ZNF99: variants seen among roughly 807,000 people sequenced by gnomAD.
ZNF99 encodes zinc finger protein ENSP00000375192.
Under a neutral mutation model 12.8 loss-of-function variants are expected in ZNF99, and 8 were observed. The ratio of observed to expected loss-of-function variants is 0.62; its 90% CI spans 0.37 to 1.13. ZNF99 has a LOEUF of 1.13. ZNF99 is among the 50% of genes most tolerant of loss of function. The pLI, the probability that ZNF99 is intolerant of heterozygous loss-of-function variation, is 0.02. For missense variants in ZNF99, 1,007 were observed against 1,006.2 expected (o/e 1.00, Z -0.01); for synonymous variants, 318 against 319.0 (o/e 1.00, Z 0.03).
Position 22,784,032 on chromosome 19 carries a change from G to A in ZNF99, c.-16C>T, listed in dbSNP as rs748715231. 38 of 1,613,616 alleles carry A rather than the reference G, an allele frequency of 2.4e-5. 1 individual carries two copies. The highest frequency in any genetic ancestry group is 9.3e-5 in the African/African-American group (7 of 74,880). ...CTCTCACCATTTCTAAGCTTCCAGGGGGTCCTGGCGTCCTAGCTGTGGATC... is the reference window on the plus strand; with the variant it reads ...CTCTCACCATTTCTAAGCTTCCAGGAGGTCCTGGCGTCCTAGCTGTGGATC... On this transcript the variant is annotated 5_prime_UTR_variant, in exon 1 of 4. Transcript: ENST00000596209.
rs192115880 is a variant in ZNF99 at position 22,778,163 on chromosome 19, A to G, written c.3+5851T>C. On this transcript the variant is annotated intron_variant, in intron 1 of 3. Transcript: ENST00000596209. The stretch of plus-strand genomic sequence containing the variant: ...TGTATCCTAGAACTTAAATTAAAAA[A>G]AAAAAGAAAAAGGCGGTCTGTTATT... Among the ~76,000 whole-genome samples the G allele has an allele frequency of 5.7e-4, 87 of 151,908 alleles. 4 individuals carry two copies. Among genetic ancestry groups the G allele is most frequent in the East Asian group, 2.5e-3 (13 of 5,158 alleles).
chr19:22,760,011 T>C (rs571656359), intron 3 of ZNF99, among the ~76,000 whole-genome samples: 274 of 152,226 alleles, frequency 1.8e-3, no homozygotes, highest in African/African-American at 5.8e-3. Context: ...TAGAAGTAAA[T>C]TGCTGGCTGG....
chr19:22,756,181 A>G lies in ZNF99; in HGVS notation c.*1133T>C, dbSNP rs1973048061. 6.5e-7 allele frequency: 1 copy of G among 1,550,374 alleles called. No individual in the cohort carries two copies. The highest frequency in any genetic ancestry group is 8.8e-7 in the Non-Finnish European group (1 of 1,142,350). On this transcript the variant is annotated 3_prime_UTR_variant, in exon 4 of 4. Transcript: ENST00000596209. ...TATTAAGGTTTGTAAAATGGTTGAA[A>G]GCTTTGACACATTCTTCACATTTTT...
At chr19:22,776,841 C>T (rs547640732) in intron 1 of ZNF99, among the ~76,000 whole-genome samples, 212 of 152,226 alleles carry the variant, frequency 1.4e-3, no homozygotes, top group African/African-American at 5.0e-3. Flanking sequence ...CAATGGTAAA[C>T]TGGATAAAGA....
intron 3 of ZNF99, among the ~76,000 whole-genome samples, chr19:22,762,053 GAC>G (rs1164014019): frequency 2.0e-5 from 3 of 151,740 alleles, no homozygotes; most frequent in African/African-American, 4.8e-5. Flanking sequence ...AACACAAAAT[GAC>G]ACTCTTGTTC....
At chr19:22,762,938 T>C (rs1323468263) in intron 3 of ZNF99, among the ~76,000 whole-genome samples, 3 of 152,158 alleles carry the variant, frequency 2.0e-5, no homozygotes, top group Non-Finnish European at 2.9e-5. Flanking sequence ...CCAGCAACGC[T>C]TTATGATTAA....
At chr19:22,771,959 G>C (rs373669489) in intron 1 of ZNF99, among the ~76,000 whole-genome samples, 408 of 115,790 alleles carry the variant, frequency 3.5e-3, no homozygotes, top group African/African-American at 0.011. Flanking sequence ...CTTGTGATCC[G>C]CCCGCCTCGG....
rs765451713 is a variant in ZNF99 at position 22,759,440 on chromosome 19, A to C, written c.469T>G (p.Tyr157Asp). The change falls in exon 4 of 4, where the codon TAT becomes GAT. Residue 157 changes from tyrosine (Y) to aspartate (D), a missense_variant. Physicochemically the swap from Tyr to Asp is radical, Grantham distance 160. Transcript: ENST00000596209. ...ATCTTATATCTATTTGAATTTGAATATTTATGAAAGACTTTCACATATTTG... is the reference window on the plus strand; with the variant it reads ...ATCTTATATCTATTTGAATTTGAATCTTTATGAAAGACTTTCACATATTTG... The part of the protein sequence containing the change: ...CNKYVKVFHK[Y>D]SNSNRYKIRH... 1.3e-6 allele frequency: 2 copies of C among 1,595,138 alleles called. No individual in the cohort carries two copies. The highest frequency in any genetic ancestry group is 2.7e-5 in the African/African-American group (2 of 74,252).
chr19:22,768,304 C>A lies in ZNF99; in HGVS notation c.226+1G>T, dbSNP rs370666035. 1 of 1,613,680 alleles carries A rather than the reference C, an allele frequency of 6.2e-7. No homozygotes were observed. Among genetic ancestry groups the A allele is most frequent in the African/African-American group, 1.3e-5 (1 of 74,880 alleles). On this transcript the variant is annotated splice_donor_variant, in intron 3 of 3. Coordinates refer to ENST00000596209, the MANE Select transcript of ZNF99 (RefSeq NM_001080409.3). LOFTEE classifies it high-confidence loss of function. ...TGTTTCTTGTATTCACTCTCACATA[C>A]CTGGGGGTTTAGTTACCATCTCATG...
At position 22,758,658 on chromosome 19, in the gene ZNF99, T is replaced by C; in HGVS notation, c.1251A>G (p.Val417=). The C allele has an allele frequency of 6.2e-7, 1 of 1,612,930 alleles. No individual in the cohort carries two copies. The highest frequency in any genetic ancestry group is 8.5e-7 in the Non-Finnish European group (1 of 1,179,402). ...TGCAGGGTTTCTCTGCAGTATGAAT[T>C]ACCTTATGTACAGTAAGTTTTGAGG... ...KWSSKLTVHK[V]IHTAEKPCKC... The change falls in exon 4 of 4, where the codon GTA becomes GTG. Residue 417 remains valine, a synonymous_variant. Coordinates refer to ENST00000596209, the MANE Select transcript of ZNF99 (RefSeq NM_001080409.3).
chr19:22,781,127 C>T (rs1472464798), intron 1 of ZNF99, among the ~76,000 whole-genome samples: 1 of 151,746 alleles, frequency 6.6e-6, no homozygotes, highest in Non-Finnish European at 1.5e-5. Flanking sequence ...TCTTTTTTGC[C>T]CTTGGTTAAG....
In ZNF99 at chr19:22,755,885, T is replaced by C. The variant is rs1366137664; in HGVS notation, c.*1429A>G. ...TCACATTTGTGGAGTTTATCTTCTT[T>C]AGGAATTCTCTCATTTTGAGTAACA... On this transcript the variant is annotated 3_prime_UTR_variant, in exon 4 of 4. Coordinates refer to ENST00000596209, the MANE Select transcript of ZNF99 (RefSeq NM_001080409.3). 6.0e-6 allele frequency: 2 copies of C among 334,720 alleles called. No individual in the cohort carries two copies. The highest frequency in any genetic ancestry group is 1.2e-5 in the Non-Finnish European group (2 of 169,550). The allele number at this position is 334,720 out of a possible 1,614,324, so 20.7% of individuals were successfully genotyped here. A position where few individuals can be genotyped will look rare whatever the true frequency, so the allele number is the denominator to read the frequency against.
chr19:22,782,362 T>C (rs1053088000), intron 1 of ZNF99, among the ~76,000 whole-genome samples: 1 of 151,798 alleles, frequency 6.6e-6, no homozygotes. Flanking sequence ...TACTTTTTTT[T>C]TTCTTTTTTT....
In ZNF99 at chr19:22,756,487, T is replaced by G. The variant is rs199659711; in HGVS notation, c.*827A>C. 863 of 1,595,144 alleles carry G rather than the reference T, an allele frequency of 5.4e-4. 29 individuals are homozygous for G. The highest frequency in any genetic ancestry group is 3.3e-4 in the Middle Eastern group (2 of 6,000). On this transcript the variant is annotated 3_prime_UTR_variant, in exon 4 of 4. Transcript: ENST00000596209. ...CTTTCCAGTATGAATTATCCTATGTTTAGTAAGGCGTGAGAAATGGCTAAA... is the reference window on the plus strand; with the variant it reads ...CTTTCCAGTATGAATTATCCTATGTGTAGTAAGGCGTGAGAAATGGCTAAA...
chr19:22,765,507 A>G (rs750160709), intron 3 of ZNF99, among the ~76,000 whole-genome samples: 5 of 152,192 alleles, frequency 3.3e-5, no homozygotes, highest in African/African-American at 9.6e-5. Flanking sequence ...AAAAAAAAAT[A>G]AAGTAGTACA....
At position 22,754,735 on chromosome 19, in the gene ZNF99, C is replaced by G; in HGVS notation, c.*2579G>C. 3.7e-6 allele frequency: 1 copy of G among 269,832 alleles called. No homozygotes were observed. Among genetic ancestry groups the G allele is most frequent in the Non-Finnish European group, 7.4e-6 (1 of 135,768 alleles). 16.7% of individuals were successfully genotyped at this position (269,832 alleles called of 1,614,324 possible). A position where few individuals can be genotyped will look rare whatever the true frequency, so the allele number is the denominator to read the frequency against. On this transcript the variant is annotated 3_prime_UTR_variant, in exon 4 of 4. Transcript: ENST00000596209. Reference sequence around the variant, plus strand: ...GTTAAAAGCTTTGCAACATTCTTCACGTTTGTAGGGTTTCTCTTCAGTATA... The same window carrying G: ...GTTAAAAGCTTTGCAACATTCTTCAGGTTTGTAGGGTTTCTCTTCAGTATA...
At position 22,784,062 on chromosome 19, in the gene ZNF99, A is replaced by C. The variant is rs1973420995; in HGVS notation, c.-46T>G. The C allele has an allele frequency of 6.2e-7, 1 of 1,612,102 alleles. No homozygotes were observed. The highest frequency in any genetic ancestry group is 8.5e-7 in the Non-Finnish European group (1 of 1,178,742). ...CTGGCGTCCTAGCTGTGGATCTCCAAATACCTACAGGTCACAGGGCCACAG... is the reference window on the plus strand; with the variant it reads ...CTGGCGTCCTAGCTGTGGATCTCCACATACCTACAGGTCACAGGGCCACAG... On this transcript the variant is annotated 5_prime_UTR_variant, in exon 1 of 4. The change creates a new upstream start codon in the 5' untranslated region. Transcript: ENST00000596209.
chr19:22,783,211 C>A (rs1478952402), intron 1 of ZNF99, among the ~76,000 whole-genome samples: 1 of 151,914 alleles, frequency 6.6e-6, no homozygotes, highest in East Asian at 2.0e-4. Flanking sequence ...ACCTGGGAGG[C>A]GGAAGTTGCG....
Position 22,756,311 on chromosome 19 carries a change from ATTGTT to A in ZNF99, c.*998_*1002del. 1 of 1,567,544 alleles carries A rather than the reference ATTGTT, an allele frequency of 6.4e-7. No homozygotes were observed. The stretch of plus-strand genomic sequence containing the variant: ...TTTGTAGGTTTTCCCTCCAGTATGA[ATTGTT>A]TTATGTTGAGTAAGGTGTGAGGACT... On this transcript the variant is annotated 3_prime_UTR_variant, in exon 4 of 4. Coordinates refer to ENST00000596209, the MANE Select transcript of ZNF99 (RefSeq NM_001080409.3).
Sources: allele counts gnomAD v4.1 joint callset (sites outside exome capture counted in the v4.1 genomes callset), GRCh38; gene constraint gnomAD v4.1.1; transcripts MANE v1.5; gene names NCBI Gene and HGNC (gene_info 2026-07-23, HGNC 2026-07-21).